The following PTPRN2 variants were observed in gnomAD, a reference collection of about 807,000 sequenced individuals.
PTPRN2 encodes protein tyrosine phosphatase receptor type N2.
In PTPRN2, 74 loss-of-function variants were observed where a neutral mutation model predicts 118.8. The ratio of observed to expected loss-of-function variants is 0.62; its 90% CI spans 0.52 to 0.76. The LOEUF is 0.76. PTPRN2 is among the 30% of genes least tolerant of loss of function. PTPRN2 has a pLI of 0.00. For synonymous variants in PTPRN2, 641 were observed against 608.0 expected (o/e 1.05, Z -0.80); for missense variants, 1,481 against 1,394.4 (o/e 1.06, Z -0.99).
chr7:158,021,748 A>G (rs1404460514), intron 11 of PTPRN2, among the ~76,000 whole-genome samples: 2 of 152,148 alleles, frequency 1.3e-5, no homozygotes, highest in East Asian at 1.9e-4. Context: ...CAGCCTCCAT[A>G]GTGGGGAGAG....
intron 14 of PTPRN2, among the ~76,000 whole-genome samples, chr7:157,621,807 C>T (rs1803269763): frequency 6.6e-6 from 1 of 151,894 alleles, no homozygotes; most frequent in East Asian, 1.9e-4. Context: ...AACGACAGGG[C>T]CAGGGAGCTC....
chr7:158,341,777 GCAGACGTCACTCACA>G (rs1806868337), intron 2 of PTPRN2, among the ~76,000 whole-genome samples: 1 of 125,122 alleles, frequency 8.0e-6, no homozygotes, highest in Non-Finnish European at 1.7e-5. Flanking sequence ...GCTGACACCT[GCAGACGTCACTCACA>G]CCCACACTCT....
rs1474766997 is a variant in PTPRN2 at position 158,563,581 on chromosome 7, G to A, written c.112+23977C>T. On this transcript the variant is annotated intron_variant, in intron 1 of 22. Transcript: ENST00000389418. This position sits in a 1 kb window ranked among gnomAD's most constrained non-coding sequence, Gnocchi z 5.1. ...CATTCAGATGCTCCCAGCCCACCCC[G>A]ATGGGAGTGTTGGATGAAGAATCCT... Among the ~76,000 whole-genome samples, 3 of 152,196 alleles carry A rather than the reference G, an allele frequency of 2.0e-5. No homozygotes were observed. Among genetic ancestry groups the A allele is most frequent in the Non-Finnish European group, 2.9e-5 (2 of 68,022 alleles).
Position 157,785,812 on chromosome 7 carries a change from G to A in PTPRN2, c.1789-102875C>T, listed in dbSNP as rs1803999924. Among the ~76,000 whole-genome samples, 1 of 152,168 alleles carries A rather than the reference G, an allele frequency of 6.6e-6. No individual in the cohort carries two copies. The highest frequency in any genetic ancestry group is 6.5e-5 in the Admixed American group (1 of 15,282). On this transcript the variant is annotated intron_variant, in intron 12 of 22. Coordinates refer to ENST00000389418, the MANE Select transcript of PTPRN2 (RefSeq NM_002847.5). This position sits in a 1 kb window ranked among gnomAD's most constrained non-coding sequence, Gnocchi z 7.3. ...CCGGCTGGGAGCTGAGACGCGCAGGGGGCCCAGCTGAAGCCTGCGTTTTCC... is the reference window on the plus strand; with the variant it reads ...CCGGCTGGGAGCTGAGACGCGCAGGAGGCCCAGCTGAAGCCTGCGTTTTCC...
At chr7:158,505,430 C>T (rs999244720) in intron 1 of PTPRN2, among the ~76,000 whole-genome samples, 4 of 152,152 alleles carry the variant, frequency 2.6e-5, no homozygotes, top group African/African-American at 7.2e-5. Context: ...TCCTTCTCTA[C>T]AAAGGTGACA....
At chr7:158,338,057 C>A (rs1313822128) in intron 2 of PTPRN2, among the ~76,000 whole-genome samples, 1 of 12,466 alleles carries the variant, frequency 8.0e-5, no homozygotes, top group Non-Finnish European at 2.3e-4. Flanking sequence ...TAAGAGGTGA[C>A]ACCTGCAGAC....
chr7:158,311,906 C>T (rs1035246733), intron 3 of PTPRN2, among the ~76,000 whole-genome samples: 7 of 151,172 alleles, frequency 4.6e-5, no homozygotes, highest in Non-Finnish European at 7.4e-5. Context: ...CACCCACACA[C>T]GCACACACCT....
At chr7:158,071,364 CT>C (rs1811532973) in intron 11 of PTPRN2, among the ~76,000 whole-genome samples, 2 of 95,610 alleles carry the variant, frequency 2.1e-5, no homozygotes, top group African/African-American at 4.4e-5. Context: ...GGTGGAGGTG[CT>C]CATGGTGGTG....
At chr7:157,961,301 G>A (rs1484551046) in intron 11 of PTPRN2, among the ~76,000 whole-genome samples, 1 of 152,168 alleles carries the variant, frequency 6.6e-6, no homozygotes, top group Non-Finnish European at 1.5e-5. Context: ...GGAGGCTGTG[G>A]CAGGTGGATC....
At chr7:157,859,889 T>C (rs548463935) in intron 12 of PTPRN2, among the ~76,000 whole-genome samples, 22 of 80,454 alleles carry the variant, frequency 2.7e-4, no homozygotes, top group Non-Finnish European at 2.2e-4. Flanking sequence ...CCAGCCACTG[T>C]ACACACTCCT....
At chr7:158,170,889 A>T (rs1416765460) in intron 5 of PTPRN2, among the ~76,000 whole-genome samples, 1 of 152,042 alleles carries the variant, frequency 6.6e-6, no homozygotes, top group Non-Finnish European at 1.5e-5. Context: ...AAGGATAATA[A>T]TAATAGTATC....
At chr7:157,733,559 G>C (rs113457330) in intron 12 of PTPRN2, among the ~76,000 whole-genome samples, 56 of 7,266 alleles carry the variant, frequency 7.7e-3, no homozygotes, top group Admixed American at 0.013. Flanking sequence ...GTTACTCTTT[G>C]CCGTCCCATG....
At chr7:158,060,524 A>G (rs1298451782) in intron 11 of PTPRN2, among the ~76,000 whole-genome samples, 1 of 152,172 alleles carries the variant, frequency 6.6e-6, no homozygotes, top group Non-Finnish European at 1.5e-5. Flanking sequence ...TCTGCTAAGG[A>G]CACAGTCATG....
intron 2 of PTPRN2, among the ~76,000 whole-genome samples, chr7:158,439,182 G>A (rs907841935): frequency 2.0e-5 from 3 of 152,110 alleles, no homozygotes; most frequent in African/African-American, 4.8e-5. Context: ...GACGTCTCAT[G>A]TCTCCCTAAA....
intron 12 of PTPRN2, among the ~76,000 whole-genome samples, chr7:157,714,879 G>A (rs1249561539): frequency 1.3e-5 from 2 of 151,528 alleles, no homozygotes; most frequent in Admixed American, 1.3e-4. Flanking sequence ...TAGGTCTCCC[G>A]CTTTCTGAGG....
intron 11 of PTPRN2, among the ~76,000 whole-genome samples, chr7:157,983,665 C>CGT (rs1333595905): frequency 6.6e-6 from 1 of 152,082 alleles, no homozygotes; most frequent in Non-Finnish European, 1.5e-5. Context: ...GGAGGAGTAG[C>CGT]GTGTGTGTGT....
chr7:157,723,682 G>A (rs766394789), intron 12 of PTPRN2, among the ~76,000 whole-genome samples: 12 of 152,196 alleles, frequency 7.9e-5, no homozygotes, highest in Non-Finnish European at 1.3e-4. Context: ...GATGTTAAAC[G>A]TGAGGCTTTT....
intron 2 of PTPRN2, among the ~76,000 whole-genome samples, chr7:158,370,818 A>G (rs1442487157): frequency 6.6e-6 from 1 of 152,186 alleles, no homozygotes; most frequent in East Asian, 1.9e-4. Flanking sequence ...GAAAGAAAGC[A>G]ACATGCAAAA....
At chr7:158,318,910 T>A (rs1002122878) in intron 2 of PTPRN2, among the ~76,000 whole-genome samples, 2 of 152,242 alleles carry the variant, frequency 1.3e-5, no homozygotes, top group Non-Finnish European at 2.9e-5. Context: ...AACATGCAGC[T>A]GAGGATCCCC....
Sources: gnomAD v4.1 joint callset for allele counts (sites outside exome capture counted in the v4.1 genomes callset) on GRCh38, gnomAD v4.1.1 for gene constraint, Gnocchi (gnomAD v3.1) non-coding constraint, MANE v1.5 for transcripts, NCBI Gene and HGNC (gene_info 2026-07-23, HGNC 2026-07-21) for gene names.